SLC5A11: variants seen among roughly 807,000 people sequenced by gnomAD.
SLC5A11 encodes the protein solute carrier family 5 member 11.
A neutral mutation model predicts 69.8 loss-of-function variants in SLC5A11; 48 were observed. The ratio of observed to expected loss-of-function variants is 0.69; its 90% CI spans 0.55 to 0.87. The LOEUF is 0.87. Among genes scored for constraint, SLC5A11 ranks in the 40% least tolerant of loss-of-function variants. The pLI is 0.00. For synonymous variants in SLC5A11, 319 were observed against 342.4 expected, an observed-to-expected ratio of 0.93 and a Z score of 0.75; for missense variants, 784 against 866.1, an observed-to-expected ratio of 0.91 and a Z score of 1.19.
intron 7 of SLC5A11, 144 bp from the exon 9 acceptor site, chr16:24,883,907 G>A: frequency 1.5e-6 from 1 of 687,922 alleles, no homozygotes; most frequent in Non-Finnish European, 2.6e-6. Flanking sequence ...TGCACACAGG[G>A]AGGAGTGATC....
intron 8 of SLC5A11, 105 bp from the exon 10 acceptor site, chr16:24,890,764 G>T: frequency 2.9e-6 from 3 of 1,035,284 alleles, no homozygotes; most frequent in Non-Finnish European, 4.5e-6. Context: ...TAACATTTTT[G>T]GTGGCTCTGG....
exon 4 of SLC5A11, chr16:24,869,965 G>A: frequency 6.2e-7 from 1 of 1,614,130 alleles, no homozygotes; most frequent in Non-Finnish European, 8.5e-7. Context: ...GCAGGGTCAG[G>A]TGCTGCTACG....
chr16:24,883,943 A>C (rs1448226134), intron 7 of SLC5A11, 108 bp from the exon 9 acceptor site: 1 of 948,708 alleles, frequency 1.1e-6, no homozygotes, highest in Admixed American at 2.0e-5. Context: ...ATCAGTCAGC[A>C]CTAAGAAATC....
At chr16:24,877,050 G>A (rs2047721233) in intron 6 of SLC5A11, 1 of 1,393,298 alleles carries the variant, frequency 7.2e-7, no homozygotes, top group South Asian at 1.7e-5. Context: ...AGACCATTGA[G>A]GAGGCTGCTG....
intron 1 of SLC5A11, among the ~76,000 whole-genome samples, chr16:24,858,198 G>A (rs984517918): frequency 6.6e-6 from 1 of 152,190 alleles, no homozygotes; most frequent in African/African-American, 2.4e-5. Context: ...ATTGGAACAA[G>A]ATTATGGTGT....
chr16:24,903,142 G>A (rs898447067), intron 10 of SLC5A11, among the ~76,000 whole-genome samples: 1 of 151,358 alleles, frequency 6.6e-6, no homozygotes, highest in African/African-American at 2.4e-5. Flanking sequence ...CAAACTTTCA[G>A]TCCCGATTCA....
chr16:24,909,123 G>T, intron 14 of SLC5A11, 27 bp downstream of exon 15: 1 of 1,604,632 alleles, frequency 6.2e-7, no homozygotes, highest in Non-Finnish European at 8.5e-7. Context: ...GGCTAGATCC[G>T]TTGAGACTTT....
chr16:24,872,008 T>G (rs2047334415), intron 4 of SLC5A11, 152 bp from the exon 6 acceptor site: 2 of 840,276 alleles, frequency 2.4e-6, no homozygotes, highest in Non-Finnish European at 3.9e-6. Flanking sequence ...AAAAAGGAAA[T>G]TTGAAGGCCA....
At chr16:24,885,663 A>C (rs1005189463) in intron 8 of SLC5A11, among the ~76,000 whole-genome samples, 6 of 150,042 alleles carry the variant, frequency 4.0e-5, no homozygotes, top group African/African-American at 1.5e-4. Flanking sequence ...TCTCAAAAAA[A>C]AAAAAAAAAA....
intron 13 of SLC5A11, 72 bp downstream of exon 14, chr16:24,908,203 G>C: frequency 1.4e-6 from 2 of 1,473,108 alleles, no homozygotes; most frequent in Middle Eastern, 3.9e-4. Context: ...GATGGGAGGG[G>C]AGGGTGTTGG....
At chr16:24,884,901 T>C (rs8058743) in intron 8 of SLC5A11, among the ~76,000 whole-genome samples, 133,666 of 151,844 alleles carry the variant, frequency 0.88, 59,069 homozygotes, top group African/African-American at 0.96. Context: ...CCACCATCCC[T>C]GGCTAATTTT....
intron 1 of SLC5A11, among the ~76,000 whole-genome samples, chr16:24,855,510 A>G (rs1453522672): frequency 2.6e-5 from 4 of 151,342 alleles, no homozygotes; most frequent in Admixed American, 2.0e-4. Context: ...CTGAGGCAGG[A>G]GGATCTCTTG....
chr16:24,849,822 G>A (rs531090169), intron 1 of SLC5A11, among the ~76,000 whole-genome samples: 15 of 151,618 alleles, frequency 9.9e-5, no homozygotes, highest in African/African-American at 3.6e-4. Context: ...ACGCTGCCCT[G>A]CCCTGCCATG....
At chr16:24,880,006 G>A (rs1662670607) in intron 7 of SLC5A11, among the ~76,000 whole-genome samples, 1 of 152,092 alleles carries the variant, frequency 6.6e-6, no homozygotes, top group Non-Finnish European at 1.5e-5. Flanking sequence ...CTTTTTGGTA[G>A]GATGACTTAT....
At chr16:24,896,211 A>C (rs1315485776) in intron 9 of SLC5A11, among the ~76,000 whole-genome samples, 1 of 152,014 alleles carries the variant, frequency 6.6e-6, no homozygotes, top group Non-Finnish European at 1.5e-5. Flanking sequence ...ATTAAACATA[A>C]AATGTAGCCA....
chr16:24,901,620 T>C (rs1029639109), intron 10 of SLC5A11, among the ~76,000 whole-genome samples: 4 of 151,478 alleles, frequency 2.6e-5, no homozygotes, highest in South Asian at 4.2e-4. Context: ...AAAAAAATCA[T>C]TCATTCACTC....
exon 16 of SLC5A11, chr16:24,911,466 C>A (rs760969782): frequency 3.1e-6 from 5 of 1,614,012 alleles, no homozygotes; most frequent in African/African-American, 2.7e-5. Context: ...TTGGTGAAGA[C>A]CCTCCTGGAC....
rs747344361 is a variant in SLC5A11, at chr16:24,869,903, G to T, written c.210G>T (p.Val70=). Residue 70 remains valine, a splice_region_variant and synonymous_variant, in exon 4 of 16, where the codon GTG becomes GTT. Coordinates refer to ENST00000347898, the Ensembl canonical transcript of SLC5A11. ...CTGACCCGTCCATCTCCCCACAGGT[G>T]GGTGCATCCTTGTTTGCCAGCAATG... 6 of 1,613,236 alleles carry T rather than the reference G, an allele frequency of 3.7e-6. No individual in the cohort carries two copies. The African/African-American group carries it at 6.7e-5, about 18-fold the overall frequency.
At chr16:24,904,735 C>T (rs189197695) in intron 10 of SLC5A11, among the ~76,000 whole-genome samples, 1 of 152,318 alleles carries the variant, frequency 6.6e-6, no homozygotes, top group Admixed American at 6.5e-5. Flanking sequence ...TGGAAAAAAA[C>T]CCTCTTCTGC....
Sources: gnomAD v4.1 joint callset for allele counts (sites outside exome capture counted in the v4.1 genomes callset) on GRCh38, gnomAD v4.1.1 for gene constraint, MANE v1.5 for transcripts, NCBI Gene and HGNC (gene_info 2026-07-23, HGNC 2026-07-21) for gene names.